The following SPAG17 variants were observed in gnomAD, a reference collection of about 807,000 sequenced individuals.
SPAG17 encodes sperm-associated antigen 17.
A neutral mutation model predicts 273.6 loss-of-function variants in SPAG17; 169 were observed. That is an observed-to-expected ratio of 0.62 (90% CI 0.55 to 0.70). The LOEUF is 0.70. Ranked by LOEUF, SPAG17 falls within the 30% of genes least tolerant of loss-of-function variation. SPAG17 has a pLI of 0.00. For missense variants in SPAG17, 2,557 were observed against 2,627.8 expected (o/e 0.97, Z 0.59); for synonymous variants, 825 against 873.2 (o/e 0.94, Z 0.97).
At chr1:118,181,843 C>T (rs561802487) in intron 1 of SPAG17, among the ~76,000 whole-genome samples, 1 of 152,292 alleles carries the variant, frequency 6.6e-6, no homozygotes, top group South Asian at 2.1e-4. Context: ...AATCTGGGCA[C>T]AGTGGCTTAA....
In SPAG17 at chr1:118,085,920, A is replaced by ACC; in HGVS notation, c.1762_1762+1dup. On this transcript the variant is annotated splice_donor_variant, in intron 13 of 48. Transcript: ENST00000336338. LOFTEE classifies it high-confidence loss of function. ...TAAGCTAAGACAAAGCAATGGACTC[A>ACC]CCACTCGTACAAAAGTGCATAAGCT... 3 of 1,599,250 alleles carry ACC rather than the reference A, an allele frequency of 1.9e-6. No homozygotes were observed. Among genetic ancestry groups the ACC allele is most frequent in the Non-Finnish European group, 2.6e-6 (3 of 1,174,828 alleles).
chr1:117,986,475 TTA>T (rs1292086113), intron 40 of SPAG17, among the ~76,000 whole-genome samples: 3 of 152,258 alleles, frequency 2.0e-5, no homozygotes, highest in East Asian at 3.8e-4. Context: ...ACTCATCTAA[TTA>T]TATGTTTCAC....
intron 19 of SPAG17, among the ~76,000 whole-genome samples, 166 bp downstream of exon 19, chr1:118,055,567 A>G (rs1020584383): frequency 6.6e-6 from 1 of 152,170 alleles, no homozygotes; most frequent in Non-Finnish European, 1.5e-5. Context: ...GTACAATCCC[A>G]TATTTGGAAT....
At chr1:118,101,190 G>A (rs1285853354) in intron 5 of SPAG17, among the ~76,000 whole-genome samples, 1 of 152,144 alleles carries the variant, frequency 6.6e-6, no homozygotes, top group African/African-American at 2.4e-5. Context: ...TGAGGAGGGA[G>A]AGTCACTTGA....
chr1:117,992,818 A>G (rs1037328506), intron 35 of SPAG17, among the ~76,000 whole-genome samples, 170 bp from the exon 36 acceptor site: 2 of 152,186 alleles, frequency 1.3e-5, no homozygotes, highest in Non-Finnish European at 2.9e-5. Context: ...AGGAAAATCG[A>G]TAACAGAACT....
chr1:118,080,960 C>T, intron 15 of SPAG17, 141 bp downstream of exon 15: 1 of 668,942 alleles, frequency 1.5e-6, no homozygotes, highest in Non-Finnish European at 2.5e-6. Context: ...ACTTATGGAA[C>T]AACAATACTC....
chr1:118,112,412 T>C (rs1391185784), intron 4 of SPAG17, among the ~76,000 whole-genome samples: 4 of 152,212 alleles, frequency 2.6e-5, no homozygotes, highest in Middle Eastern at 3.4e-3. Context: ...GTTTGTTGAA[T>C]TGATAAATTA....
intron 3 of SPAG17, among the ~76,000 whole-genome samples, chr1:118,119,508 C>A (rs967973463): frequency 6.6e-6 from 1 of 152,212 alleles, no homozygotes; most frequent in Non-Finnish European, 1.5e-5. Context: ...AATCCTTTGG[C>A]TTCAGGGACT....
intron 1 of SPAG17, among the ~76,000 whole-genome samples, chr1:118,167,897 G>A (rs950597588): frequency 6.6e-6 from 1 of 152,114 alleles, no homozygotes; most frequent in Non-Finnish European, 1.5e-5. Context: ...GTGGGTTCTC[G>A]TGACATGTGG....
In SPAG17 at chr1:117,992,526, T is replaced by C. The variant is rs554489772; in HGVS notation, c.5301A>G (p.Gln1767=). Residue 1767 remains glutamine (Q), a synonymous_variant, in exon 36 of 49, where the codon CAA becomes CAG. Coordinates refer to ENST00000336338, the MANE Select transcript of SPAG17 (RefSeq NM_206996.4). ...TCTTTATGACCTCATGCTGAATGAA[T>C]TGGCGCATCTGTAGCACACTGGGGC... ...LKSPSVLQMR[Q]FIQHEVIKNE... The C allele has an allele frequency of 2.4e-5, 39 of 1,613,694 alleles. No homozygotes were observed. Among genetic ancestry groups the C allele is most frequent in the Middle Eastern group, 1.7e-4 (1 of 6,036 alleles).
chr1:118,092,074 T>A (rs1394665753), intron 8 of SPAG17, 72 bp from the exon 9 acceptor site: 2 of 1,260,710 alleles, frequency 1.6e-6, no homozygotes, highest in Non-Finnish European at 2.3e-6. Context: ...AATGCTGGTA[T>A]GATGAGATCC....
chr1:118,022,112 T>G (rs907124398), intron 28 of SPAG17, among the ~76,000 whole-genome samples: 2 of 152,096 alleles, frequency 1.3e-5, no homozygotes, highest in East Asian at 3.8e-4. Context: ...GAGAAAAGTT[T>G]GTAAGGCAGG....
rs1557909726 is a variant in SPAG17 at position 118,015,958 on chromosome 1, G to A, written c.4287+7C>T. 4 of 1,612,876 alleles carry A rather than the reference G, an allele frequency of 2.5e-6. No individual in the cohort carries two copies. The highest frequency in any genetic ancestry group is 3.4e-6 in the Non-Finnish European group (4 of 1,179,170). On this transcript the variant is annotated splice_region_variant and intron_variant, in intron 29 of 48. Coordinates refer to ENST00000336338, the MANE Select transcript of SPAG17 (RefSeq NM_206996.4). ...AAAATTTTGCAATAAACAATAGTTTGTCATACCGTTCCATTGACAGGATCT... is the reference window on the plus strand; with the variant it reads ...AAAATTTTGCAATAAACAATAGTTTATCATACCGTTCCATTGACAGGATCT...
intron 32 of SPAG17, among the ~76,000 whole-genome samples, chr1:118,005,075 C>T (rs541777693): frequency 1.1e-4 from 17 of 152,318 alleles, no homozygotes; most frequent in Non-Finnish European, 2.1e-4. Flanking sequence ...CTTGTGTTTG[C>T]TCTGACTTCA....
At chr1:118,039,672 A>G (rs1649512498) in intron 22 of SPAG17, among the ~76,000 whole-genome samples, 1 of 152,102 alleles carries the variant, frequency 6.6e-6, no homozygotes, top group South Asian at 2.1e-4. Context: ...AGGACCAAAA[A>G]CTACCTGCCG....
At chr1:118,110,947 G>A (rs963910131) in intron 4 of SPAG17, among the ~76,000 whole-genome samples, 7 of 152,186 alleles carry the variant, frequency 4.6e-5, no homozygotes, top group African/African-American at 1.7e-4. Context: ...GTTTGGCCTT[G>A]GGAAAATTCC....
intron 1 of SPAG17, among the ~76,000 whole-genome samples, chr1:118,166,429 A>G (rs1660173377): frequency 6.6e-6 from 1 of 152,232 alleles, no homozygotes; most frequent in Non-Finnish European, 1.5e-5. Flanking sequence ...CTCTGGACAG[A>G]GAAATGTTAA....
chr1:118,168,783 G>C (rs1459067775), intron 1 of SPAG17, among the ~76,000 whole-genome samples: 4 of 152,196 alleles, frequency 2.6e-5, no homozygotes, highest in Non-Finnish European at 5.9e-5. Context: ...GGCCCTAATG[G>C]TGTGAACTGA....
chr1:118,175,982 G>A (rs1570832010), intron 1 of SPAG17, among the ~76,000 whole-genome samples: 1 of 152,024 alleles, frequency 6.6e-6, no homozygotes, highest in Non-Finnish European at 1.5e-5. Context: ...CAAAATGGGG[G>A]GTGAGTTAAA....
Sources: gnomAD v4.1 joint callset for allele counts (sites outside exome capture counted in the v4.1 genomes callset) on GRCh38, gnomAD v4.1.1 for gene constraint, MANE v1.5 for transcripts, NCBI Gene and HGNC (gene_info 2026-07-23, HGNC 2026-07-21) for gene names.